Variants in GOLGA8M observed in about 807,000 individuals in gnomAD.
The protein encoded by GOLGA8M is golgin A8 family member M, also known as golgin subfamily A member 8M.
Under a neutral mutation model 87.7 loss-of-function variants are expected in GOLGA8M, and 34 were observed. The observed-to-expected ratio is 0.39, with a 90% CI of 0.29 to 0.52. The LOEUF (loss-of-function observed/expected upper bound fraction) is 0.52. Among genes scored for constraint, GOLGA8M ranks in the 20% least tolerant of loss-of-function variants. The probability of loss-of-function intolerance (pLI) is 0.80; values close to 1 mark genes in which losing one functional copy is unlikely to be tolerated. For synonymous variants in GOLGA8M, 138 were observed against 250.2 expected (o/e 0.55, Z 4.23); for missense variants, 396 against 682.2 (o/e 0.58, Z 4.67).
rs199963617 is a variant in GOLGA8M at position 28,707,747 on chromosome 15, C to T, written c.591+1G>A. ...GGGATGGGGCAGGTGGTTGGACTCA[C>T]CTGGTTTGCCTTCTTCTTCTGTGTG... On this transcript the variant is annotated splice_donor_variant, in intron 8 of 18. Transcript: ENST00000563027. LOFTEE classifies it high-confidence loss of function. The T allele has an allele frequency of 8.4e-6, 13 of 1,545,440 alleles. No homozygotes were observed. In the Admixed American group the frequency reaches 1.2e-4, roughly 14 times the overall value.
chr15:28,707,294 G>C (rs1421638857), intron 8 of GOLGA8M, among the ~76,000 whole-genome samples: 9 of 135,996 alleles, frequency 6.6e-5, no homozygotes, highest in African/African-American at 2.7e-4. Context: ...CGGCCATCTT[G>C]TTGCTCTCTC....
chr15:28,711,378 G>A (rs2080190856), intron 1 of GOLGA8M: 1 of 278,284 alleles, frequency 3.6e-6, no homozygotes, highest in African/African-American at 2.3e-5. Flanking sequence ...TAGAATATGA[G>A]GTGGAGAACT....
chr15:28,708,803 C>A (rs1421745901), intron 4 of GOLGA8M, among the ~76,000 whole-genome samples: 2 of 151,678 alleles, frequency 1.3e-5, no homozygotes, highest in South Asian at 2.1e-4. Flanking sequence ...AAAGGACAGA[C>A]AGGAGCCCTT....
chr15:28,705,716 G>A lies in GOLGA8M; in HGVS notation c.898C>T (p.Pro300Ser). Residue 300 changes from proline (P) to serine (S), a missense_variant, in exon 12 of 19, where the codon CCA becomes TCA. By Grantham distance (74) the Pro-to-Ser change is moderately conservative (BLOSUM62 -1). Around this residue, in one of 12 missense-constraint regions of GOLGA8M, gnomAD observed 28 missense variants for 55.2 expected, o/e 0.51. Coordinates refer to ENST00000563027, the MANE Select transcript of GOLGA8M (RefSeq NM_001282468.3). ...AGCTCCACCTCAGAGGGCACTGCTG[G>A]GGGCTCCGGGGGCAAGGGTTCAGCT... ...QMAEPLPPEPPAVPSEVELQH... is the reference protein window; with the variant it reads ...QMAEPLPPEPSAVPSEVELQH... 1.3e-6 allele frequency: 2 copies of A among 1,576,036 alleles called. No homozygotes were observed. The highest frequency in any genetic ancestry group is 2.2e-5 in the South Asian group (2 of 90,060).
chr15:28,711,653 A>G (rs2080198834), intron 1 of GOLGA8M: 1 of 984,686 alleles, frequency 1.0e-6, no homozygotes. Context: ...CGCTTAGGGG[A>G]CTGGGTCATA....
In GOLGA8M at chr15:28,700,918, G is replaced by A. The variant is rs545951260; in HGVS notation, c.*1036C>T. ...GAGCCTGTATGCCTGTTCCAGGGAC[G>A]TTTGAACTCATAAAGGATTTCTTAT... On this transcript the variant is annotated 3_prime_UTR_variant, in exon 19 of 19. Transcript: ENST00000563027. 6.6e-5 allele frequency among the ~76,000 whole-genome samples: 10 copies of A among 152,158 alleles called. No individual in the cohort carries two copies. Among genetic ancestry groups the A allele is most frequent in the African/African-American group, 1.4e-4 (6 of 41,476 alleles).
chr15:28,702,275 A>G lies in GOLGA8M; in HGVS notation c.1662T>C (p.Ala554=). Residue 554 remains alanine (A), a synonymous_variant, in exon 18 of 19, where the codon GCT becomes GCC. Transcript: ENST00000563027. ...CTGGGGCTCCTGGACCGGGCTCATC[A>G]GCAGAGTTGTGGGCAGCGGCCAGGA... ...RKFLAAAHNS[A]DEPGPGAPAP... is the part of the protein sequence containing the mutation. The G allele has an allele frequency of 6.4e-7, 1 of 1,560,102 alleles. No individual in the cohort carries two copies. The highest frequency in any genetic ancestry group is 8.6e-7 in the Non-Finnish European group (1 of 1,163,782).
At position 28,700,763 on chromosome 15, in the gene GOLGA8M, G is replaced by A. The variant is rs3902304; in HGVS notation, c.*1191C>T. On this transcript the variant is annotated 3_prime_UTR_variant, in exon 19 of 19. Coordinates refer to ENST00000563027, the MANE Select transcript of GOLGA8M (RefSeq NM_001282468.3). ...ATTCCTATGTCAGAGTAACCAAGGT[G>A]GTTGAAGAATAGGTATTAGCCAAAG... Among the ~76,000 whole-genome samples the A allele has an allele frequency of 0.078, 11,832 of 151,842 alleles. 1,531 individuals are homozygous for A. Among genetic ancestry groups the A allele is most frequent in the East Asian group, 0.59 (3,015 of 5,132 alleles).
intron 8 of GOLGA8M, 21 bp downstream of exon 8, chr15:28,707,727 G>A: frequency 1.3e-6 from 2 of 1,541,482 alleles, no homozygotes; most frequent in Non-Finnish European, 1.7e-6. Context: ...CCCAGGGGAT[G>A]GGGCAGGTGG....
rs1304964190 is a variant in GOLGA8M at position 28,708,014 on chromosome 15, T to A, written c.420A>T (p.Ile140=). ...GGTCCGTATTTAGTTCCTCTTTCTG[T>A]ATGTTCAATGTCTGGAGTTGAACCT... ...VLEVQLQTLN[I]QKEELNTDLY... Residue 140 remains isoleucine, a synonymous_variant, in exon 7 of 19, where the codon ATA becomes ATT. Transcript: ENST00000563027. 2 of 1,592,396 alleles carry A rather than the reference T, an allele frequency of 1.3e-6. No homozygotes were observed. The highest frequency in any genetic ancestry group is 2.8e-5 in the African/African-American group (2 of 71,766).
chr15:28,712,204 C>G, intron 1 of GOLGA8M, 72 bp downstream of exon 1: 1 of 1,523,024 alleles, frequency 6.6e-7, no homozygotes, highest in Non-Finnish European at 8.8e-7. Flanking sequence ...GTCGTATAGA[C>G]TCTGGCAGGG....
At position 28,702,061 on chromosome 15, in the gene GOLGA8M, G is replaced by A; in HGVS notation, c.1792C>T (p.Pro598Ser). ...EAREDPLLDK[P>S]TAQPIVQDHQ... is the part of the protein sequence containing the mutation. The stretch of plus-strand genomic sequence containing the variant: ...TCCTGCACGATCGGCTGTGCAGTAG[G>A]CTTGTCAAGGAGAGGATCCTCCCTG... Residue 598 changes from proline to serine, a missense_variant, in exon 19 of 19, where the codon CCT becomes TCT. This residue lies in a region of GOLGA8M where 35 missense variants were observed against 61.4 expected (regional missense o/e 0.57). Coordinates refer to ENST00000563027, the MANE Select transcript of GOLGA8M (RefSeq NM_001282468.3). The A allele has an allele frequency of 1.3e-6, 2 of 1,592,660 alleles. No homozygotes were observed. Among genetic ancestry groups the A allele is most frequent in the African/African-American group, 1.4e-5 (1 of 73,762 alleles).
rs2079865930 is a variant in GOLGA8M at position 28,703,088 on chromosome 15, T to C, written c.1368+231A>G. 4.2e-6 allele frequency: 3 copies of C among 719,472 alleles called. No homozygotes were observed. The African/African-American group carries it at 7.9e-5, about 19-fold the overall frequency. The allele number at this position is 719,472 out of a possible 1,614,324, so 44.6% of individuals were successfully genotyped here. On this transcript the variant is annotated intron_variant, in intron 15 of 18. Coordinates refer to ENST00000563027, the MANE Select transcript of GOLGA8M (RefSeq NM_001282468.3). The stretch of plus-strand genomic sequence containing the variant: ...CCTGAGGGCAAGATGTGAGCATTCT[T>C]CTAGGGGCATACACAGAACAAATGG...
At chr15:28,711,989 G>A (rs1219961283) in intron 1 of GOLGA8M, 2 of 984,882 alleles carry the variant, frequency 2.0e-6, no homozygotes, top group African/African-American at 3.5e-5. Flanking sequence ...AAGAGCCCAG[G>A]GAGATCAAGC....
At chr15:28,712,780 G>T (rs1453863496), upstream of GOLGA8M, among the ~76,000 whole-genome samples, 1 of 151,910 alleles carries the variant, frequency 6.6e-6, no homozygotes, top group African/African-American at 2.4e-5. Flanking sequence ...TCTATGCAAG[G>T]TCTATGATTT....
At chr15:28,712,863 T>C (rs1158534419), upstream of GOLGA8M, among the ~76,000 whole-genome samples, 14 of 151,866 alleles carry the variant, frequency 9.2e-5, no homozygotes, top group African/African-American at 3.2e-4. Context: ...ACAGATCCTA[T>C]AAAAATGGAA....
chr15:28,704,560 C>T (rs1394915043), intron 13 of GOLGA8M, among the ~76,000 whole-genome samples: 2 of 149,966 alleles, frequency 1.3e-5, no homozygotes, highest in African/African-American at 4.9e-5. Context: ...GGCTGGAATC[C>T]AGTTTTAATC....
chr15:28,702,952 G>A lies in GOLGA8M; in HGVS notation c.1369-207C>T, dbSNP rs1017859970. The A allele has an allele frequency of 2.0e-4, 196 of 975,632 alleles. 7 individuals are homozygous for A. Among genetic ancestry groups the A allele is most frequent in the Non-Finnish European group, 2.2e-4 (186 of 827,702 alleles). The allele number at this position is 975,632 out of a possible 1,614,324, so 60.4% of individuals were successfully genotyped here. ...GGCTGCCTCTGGCTCCTTCTGGGCC[G>A]AGGCCACCGGGTGAGCCAGGCGCTG... On this transcript the variant is annotated intron_variant, in intron 15 of 18. Coordinates refer to ENST00000563027, the MANE Select transcript of GOLGA8M (RefSeq NM_001282468.3).
In GOLGA8M at chr15:28,702,461, C is replaced by G. The variant is rs1023666725; in HGVS notation, c.1567+4G>C. The stretch of plus-strand genomic sequence containing the variant: ...CACCCCCACAGAGATGTTGCACACC[C>G]TACCTTCATCTCCTCCCTGAGCTCC... On this transcript the variant is annotated splice_donor_region_variant and intron_variant, in intron 17 of 18. Coordinates refer to ENST00000563027, the MANE Select transcript of GOLGA8M (RefSeq NM_001282468.3). 1.3e-6 allele frequency: 2 copies of G among 1,534,792 alleles called. No individual in the cohort carries two copies. Among genetic ancestry groups the G allele is most frequent in the Non-Finnish European group, 8.7e-7 (1 of 1,146,210 alleles).
Sources: allele counts gnomAD v4.1 joint callset (sites outside exome capture counted in the v4.1 genomes callset), GRCh38; gene constraint gnomAD v4.1.1; regional missense constraint gnomAD v4.1.1; transcripts MANE v1.5; gene names NCBI Gene and HGNC (gene_info 2026-07-23, HGNC 2026-07-21).